The following ATAD2B variants were observed in gnomAD, a reference collection of about 807,000 sequenced individuals.
ATAD2B encodes ATPase family AAA domain containing 2B.
ATAD2B carries 40 observed loss-of-function variants against 167.6 expected under a neutral mutation model. The ratio of observed to expected loss-of-function variants is 0.24; its 90% CI spans 0.19 to 0.31. The LOEUF is 0.31. ATAD2B is among the 10% of genes least tolerant of loss of function. ATAD2B has a pLI of 1.00. For missense variants in ATAD2B, 1,242 were observed against 1,757.2 expected, an observed-to-expected ratio of 0.71 and a Z score of 5.24; for synonymous variants, 579 against 596.5, an observed-to-expected ratio of 0.97 and a Z score of 0.43.
intron 21 of ATAD2B, among the ~76,000 whole-genome samples, chr2:23,784,685 A>G (rs1287475257): frequency 2.0e-5 from 3 of 151,994 alleles, no homozygotes; most frequent in Non-Finnish European, 2.9e-5. Flanking sequence ...CAAATAGGGG[A>G]GTGGAAGAAA....
chr2:23,771,266 C>A (rs1453438960), intron 22 of ATAD2B, among the ~76,000 whole-genome samples: 4 of 152,170 alleles, frequency 2.6e-5, no homozygotes, highest in Non-Finnish European at 5.9e-5. Context: ...TTCTTTCTTT[C>A]TGGAAGTAGG....
chr2:23,704,118 G>C, the ATAD2B span, among the ~76,000 whole-genome samples: 3 of 152,188 alleles, frequency 2.0e-5, no homozygotes, highest in Non-Finnish European at 4.4e-5. Context: ...TTTCCTGAAG[G>C]CATCAAGGCT....
Position 23,864,782 on chromosome 2 carries a change from A to G in ATAD2B, c.1304+27T>C, listed in dbSNP as rs984184649. The G allele has an allele frequency of 8.1e-6, 9 of 1,116,664 alleles. No individual in the cohort carries two copies. The East Asian group carries it at 1.3e-4, about 16-fold the overall frequency. 69.2% of individuals were successfully genotyped at this position (1,116,664 alleles called of 1,614,324 possible). ...ATTTGAGAAAGTAACAGTAATAACAATAATAAACATCTATGACATTGCTTA... is the reference window on the plus strand; with the variant it reads ...ATTTGAGAAAGTAACAGTAATAACAGTAATAAACATCTATGACATTGCTTA... On this transcript the variant is annotated intron_variant, in intron 11 of 27. Coordinates refer to ENST00000238789, the MANE Select transcript of ATAD2B (RefSeq NM_017552.4).
chr2:23,716,390 A>C, the ATAD2B span, among the ~76,000 whole-genome samples: 1 of 152,204 alleles, frequency 6.6e-6, no homozygotes, highest in Non-Finnish European at 1.5e-5. Flanking sequence ...GCATCTAATA[A>C]TTTATAGAGA....
chr2:23,738,199 T>C, the ATAD2B span, among the ~76,000 whole-genome samples: 2 of 152,120 alleles, frequency 1.3e-5, no homozygotes, highest in Admixed American at 1.3e-4. Context: ...ATACAGAGAA[T>C]GCCACAAAGA....
At chr2:23,871,541 G>A (rs553263942) in intron 8 of ATAD2B, among the ~76,000 whole-genome samples, 3 of 152,264 alleles carry the variant, frequency 2.0e-5, no homozygotes, top group African/African-American at 7.2e-5. Context: ...ACCTGACTCT[G>A]TCTCCTTTTT....
intron 18 of ATAD2B, among the ~76,000 whole-genome samples, chr2:23,801,678 A>G (rs1449380371): frequency 6.6e-6 from 1 of 152,086 alleles, no homozygotes; most frequent in African/African-American, 2.4e-5. Flanking sequence ...CCTTCTTGCC[A>G]CAGACATCAT....
intron 19 of ATAD2B, among the ~76,000 whole-genome samples, chr2:23,795,033 T>C (rs1248603728): frequency 6.6e-6 from 1 of 152,164 alleles, no homozygotes; most frequent in African/African-American, 2.4e-5. Context: ...GAAGGACTAA[T>C]TATTTTGGGG....
In ATAD2B at chr2:23,762,281, CTCTAGT is replaced by C; in HGVS notation, c.3316_3321del (p.Thr1106_Arg1107del). ...TGTTTGTGCCGAAATGCCTCTTCGA[CTCTAGT>C]TTCTGTCTTCCGAGCTCCAGTACTA... On this transcript the variant is annotated inframe_deletion, in exon 24 of 28. Transcript: ENST00000238789. The C allele has an allele frequency of 6.2e-7, 1 of 1,613,560 alleles. No homozygotes were observed.
At chr2:23,704,208 A>G in the ATAD2B span, among the ~76,000 whole-genome samples, 3 of 152,240 alleles carry the variant, frequency 2.0e-5, no homozygotes, top group Non-Finnish European at 4.4e-5. Flanking sequence ...GTGCCAGGCC[A>G]GAGCTGTGTG....
chr2:23,858,597 C>T (rs1001972474), intron 12 of ATAD2B, among the ~76,000 whole-genome samples: 25 of 150,972 alleles, frequency 1.7e-4, no homozygotes, highest in African/African-American at 5.8e-4. Flanking sequence ...AATCCTCTTG[C>T]TTCAGCCTCC....
At chr2:23,691,000 G>C in the ATAD2B span, 14 of 153,344 alleles carry the variant, frequency 9.1e-5, no homozygotes, top group Admixed American at 9.1e-4. Context: ...GCTGCTGGCT[G>C]TCTGTGGCGG....
chr2:23,795,080 C>T (rs1053218245), intron 19 of ATAD2B, among the ~76,000 whole-genome samples: 1 of 152,006 alleles, frequency 6.6e-6, no homozygotes, highest in Non-Finnish European at 1.5e-5. Flanking sequence ...GGAAAACTTC[C>T]TTTCTCCTTC....
chr2:23,925,351 G>C (rs760865672), intron 1 of ATAD2B, among the ~76,000 whole-genome samples: 1 of 152,158 alleles, frequency 6.6e-6, no homozygotes, highest in Admixed American at 6.6e-5. Context: ...AGAGTAGTAT[G>C]GTAAAATATT....
chr2:23,703,762 C>A, the ATAD2B span: 8 of 1,537,356 alleles, frequency 5.2e-6, no homozygotes, highest in Non-Finnish European at 7.0e-6. Flanking sequence ...GCTTCGTTTT[C>A]ATCCTGGGCG....
the ATAD2B span, chr2:23,695,912 T>TA: frequency 1.3e-6 from 2 of 1,545,218 alleles, no homozygotes; most frequent in South Asian, 1.2e-5. The surrounding 1 kb of genome is among the most constrained non-coding windows in gnomAD (Gnocchi z 7.6). Flanking sequence ...CCGACAGTCT[T>TA]AGAGTGTGTC....
chr2:23,808,203 A>C (rs1684963959), intron 18 of ATAD2B, among the ~76,000 whole-genome samples: 1 of 123,702 alleles, frequency 8.1e-6, no homozygotes, highest in Non-Finnish European at 1.7e-5. Flanking sequence ...ATATTTATAT[A>C]AAAATATATA....
chr2:23,863,634 CT>C (rs1037158466), intron 11 of ATAD2B, 79 bp from the exon 12 acceptor site: 2 of 1,274,634 alleles, frequency 1.6e-6, no homozygotes, highest in Non-Finnish European at 2.1e-6. Flanking sequence ...ATGTCCCCCC[CT>C]TCCATATAAT....
chr2:23,901,880 A>T (rs1432867738), intron 1 of ATAD2B, among the ~76,000 whole-genome samples: 4 of 152,178 alleles, frequency 2.6e-5, no homozygotes, highest in Non-Finnish European at 5.9e-5. Context: ...TGTACCATTG[A>T]ACTGAAGACA....
Sources: allele counts gnomAD v4.1 joint callset (sites outside exome capture counted in the v4.1 genomes callset), GRCh38; gene constraint gnomAD v4.1.1; non-coding constraint Gnocchi (gnomAD v3.1); transcripts MANE v1.5; gene names NCBI Gene and HGNC (gene_info 2026-07-23, HGNC 2026-07-21).